Variants in CAPN9 observed in about 807,000 individuals in gnomAD.
The protein encoded by CAPN9 is calpain-9.
Under a neutral mutation model 92.8 loss-of-function variants are expected in CAPN9, and 81 were observed. That is an observed-to-expected ratio of 0.87 (90% CI 0.73 to 1.05). The LOEUF (loss-of-function observed/expected upper bound fraction) is 1.05. Among genes scored for constraint, CAPN9 ranks in the 50% least tolerant of loss-of-function variants. The probability of loss-of-function intolerance (pLI) is 0.00; values close to 1 mark genes in which losing one functional copy is unlikely to be tolerated. For synonymous variants in CAPN9, 304 were observed against 328.0 expected (o/e 0.93, Z 0.79); for missense variants, 848 against 866.2 (o/e 0.98, Z 0.26).
Position 230,790,242 on chromosome 1 carries a change from C to A in CAPN9, c.1657+53C>A. Reference sequence around the variant, plus strand: ...GGGCACCTATGGAGGGACAAGCGACCACACTGCCTGGGTCCCCTCCCTGCT... The same window carrying A: ...GGGCACCTATGGAGGGACAAGCGACAACACTGCCTGGGTCCCCTCCCTGCT... On this transcript the variant is annotated intron_variant, in intron 14 of 19. Coordinates refer to ENST00000271971, the MANE Select transcript of CAPN9 (RefSeq NM_006615.3). 3 of 1,605,746 alleles carry A rather than the reference C, an allele frequency of 1.9e-6. No homozygotes were observed. The South Asian group carries it at 3.4e-5, about 18-fold the overall frequency.
At chr1:230,752,770 A>G (rs771779683) in intron 1 of CAPN9, 44 of 919,520 alleles carry the variant, frequency 4.8e-5, no homozygotes, top group Non-Finnish European at 5.7e-5. Flanking sequence ...ATCCCCTGGC[A>G]GGGGCTGGGC....
chr1:230,796,275 AGG>A (rs1668349844), intron 18 of CAPN9, among the ~76,000 whole-genome samples: 1 of 151,636 alleles, frequency 6.6e-6, no homozygotes, highest in Non-Finnish European at 1.5e-5. Context: ...CAGTGAGCTG[AGG>A]TTTGCCACTG....
chr1:230,774,054 C>T (rs964344548), intron 7 of CAPN9, among the ~76,000 whole-genome samples: 2 of 152,212 alleles, frequency 1.3e-5, no homozygotes, highest in African/African-American at 2.4e-5. Flanking sequence ...CCCCACCTGG[C>T]TTGCCAGCGA....
At chr1:230,787,650 C>T (rs1031992268) in intron 13 of CAPN9, 48 bp downstream of exon 13, 1 of 1,498,020 alleles carries the variant, frequency 6.7e-7, no homozygotes, top group South Asian at 1.1e-5. Context: ...AGGGCCTGGA[C>T]CTGCTTCCTA....
intron 8 of CAPN9, among the ~76,000 whole-genome samples, chr1:230,777,871 TGAG>T (rs1171571638): frequency 6.6e-6 from 1 of 152,162 alleles, no homozygotes; most frequent in Non-Finnish European, 1.5e-5. Flanking sequence ...CTGTTAGCAC[TGAG>T]GTGTCCCAGG....
rs375003971 is a variant in CAPN9, at chr1:230,772,059, C to G, written c.835C>G (p.Pro279Ala). Residue 279 changes from proline (P) to alanine (A), a missense_variant, in exon 7 of 20, where the codon CCT (proline) becomes GCT (alanine). Pro to Ala is a conservative substitution (Grantham distance 27). Transcript: ENST00000271971. ...QRIELIRIRN[P>A]WGQVEWNGSW... ...AATCGAGCTCATCCGAATCCGGAAC[C>G]CTTGGGGCCAGGTTGAGTGGAACGG... 3.1e-6 allele frequency: 5 copies of G among 1,614,246 alleles called. No homozygotes were observed. The highest frequency in any genetic ancestry group is 4.2e-6 in the Non-Finnish European group (5 of 1,180,042).
chr1:230,796,560 G>A (rs1045072397), intron 18 of CAPN9, among the ~76,000 whole-genome samples: 1 of 152,042 alleles, frequency 6.6e-6, no homozygotes, highest in African/African-American at 2.4e-5. Context: ...ATTAAGGAAT[G>A]ATGAGAGAAA....
Position 230,787,553 on chromosome 1 carries a change from C to G in CAPN9, c.1550C>G (p.Thr517Arg). ...AAGCCAACTCCACCTGACCAGGAGA[C>G]AGAGGAGGAGCAGCGGTTTCGGGCT... ...PPKPTPPDQE[T>R]EEEQRFRALF... Residue 517 changes from threonine (T) to arginine (R), a missense_variant, in exon 13 of 20, where the codon ACA becomes AGA. Coordinates refer to ENST00000271971, the MANE Select transcript of CAPN9 (RefSeq NM_006615.3). 2 of 1,614,096 alleles carry G rather than the reference C, an allele frequency of 1.2e-6. No individual in the cohort carries two copies. Among genetic ancestry groups the G allele is most frequent in the East Asian group, 2.2e-5 (1 of 44,884 alleles).
At chr1:230,787,397 G>A (rs1373283177) in intron 12 of CAPN9, 125 bp from the exon 13 acceptor site, 1 of 720,898 alleles carries the variant, frequency 1.4e-6, no homozygotes, top group Non-Finnish European at 2.4e-6. Flanking sequence ...GACGCAGCTT[G>A]TGCACACTGC....
At chr1:230,787,678 T>G (rs1025095827) in intron 13 of CAPN9, 76 bp downstream of exon 13, 1 of 1,331,332 alleles carries the variant, frequency 7.5e-7, no homozygotes. Flanking sequence ...GTTGCAGTCG[T>G]GGGGTTGGTC....
At chr1:230,780,147 G>C in intron 9 of CAPN9, 32 bp from the exon 10 acceptor site, 1 of 1,579,270 alleles carries the variant, frequency 6.3e-7, no homozygotes, top group Non-Finnish European at 8.7e-7. Context: ...TTTTTTAAAA[G>C]GGGAAAATAA....
At chr1:230,770,539 T>G (rs1027694035) in intron 6 of CAPN9, among the ~76,000 whole-genome samples, 3 of 152,134 alleles carry the variant, frequency 2.0e-5, no homozygotes, top group African/African-American at 7.2e-5. Context: ...ACGAGTCCCA[T>G]TCTTGTAGCT....
At chr1:230,747,910 C>T (rs4078405) in intron 1 of CAPN9, among the ~76,000 whole-genome samples, 1 of 152,026 alleles carries the variant, frequency 6.6e-6, no homozygotes, top group East Asian at 2.0e-4. Flanking sequence ...GGTGGGGACC[C>T]GGGGCATCTG....
At chr1:230,755,316 A>G in intron 1 of CAPN9, 21 bp from the exon 2 acceptor site, 1 of 1,604,282 alleles carries the variant, frequency 6.2e-7, no homozygotes, top group South Asian at 1.1e-5. Context: ...CCTCAGCCTA[A>G]TAACACTCTC....
intron 6 of CAPN9, 82 bp from the exon 7 acceptor site, chr1:230,771,932 C>G (rs1214222865): frequency 1.1e-5 from 12 of 1,107,152 alleles, no homozygotes; most frequent in Middle Eastern, 4.0e-4. Flanking sequence ...TGGAGCTGGT[C>G]CACCTGGAGC....
At chr1:230,761,904 C>T (rs542707033) in intron 3 of CAPN9, among the ~76,000 whole-genome samples, 18 of 152,326 alleles carry the variant, frequency 1.2e-4, no homozygotes, top group African/African-American at 3.6e-4. Context: ...CAAACACACA[C>T]GTGTGTAGAA....
chr1:230,775,143 C>T (rs537734137), intron 8 of CAPN9, among the ~76,000 whole-genome samples: 3 of 152,260 alleles, frequency 2.0e-5, no homozygotes, highest in South Asian at 2.1e-4. Flanking sequence ...GGTGGGGGCT[C>T]ACCCCAGCTC....
chr1:230,798,013 C>T, intron 18 of CAPN9, 149 bp from the exon 19 acceptor site: 1 of 671,198 alleles, frequency 1.5e-6, no homozygotes, highest in Non-Finnish European at 2.7e-6. Flanking sequence ...ATGAGAGTCC[C>T]ATCGCCGCCC....
intron 4 of CAPN9, among the ~76,000 whole-genome samples, chr1:230,767,328 A>C (rs1405997316): frequency 6.6e-6 from 1 of 152,022 alleles, no homozygotes; most frequent in Non-Finnish European, 1.5e-5. Context: ...ACCACACCAC[A>C]CTGCCTCCCT....
Sources: allele counts gnomAD v4.1 joint callset (sites outside exome capture counted in the v4.1 genomes callset), GRCh38; gene constraint gnomAD v4.1.1; transcripts MANE v1.5; gene names NCBI Gene and HGNC (gene_info 2026-07-23, HGNC 2026-07-21).